The following ITGA11 variants were observed in gnomAD, a reference collection of about 807,000 sequenced individuals.
ITGA11 encodes the protein integrin subunit alpha 11.
In ITGA11, 97 loss-of-function variants were observed where a neutral mutation model predicts 141.9. That is an observed-to-expected ratio of 0.68 (90% CI 0.58 to 0.81). The LOEUF is 0.81. ITGA11 is among the 30% of genes least tolerant of loss of function. The pLI is 0.00. For synonymous variants in ITGA11, 658 were observed against 624.6 expected (o/e 1.05, Z -0.80); for missense variants, 1,387 against 1,559.2 (o/e 0.89, Z 1.86).
Position 68,332,077 on chromosome 15 carries a change from G to A in ITGA11, c.1567-15C>T, listed in dbSNP as rs1894187494. On this transcript the variant is annotated splice_polypyrimidine_tract_variant and intron_variant, in intron 13 of 29. Transcript: ENST00000315757. ...ACAAACAGGTTCTGCAAAACCAGGG[G>A]CAGAAAAAGGCTGGGGAGGGTTTGG... The A allele has an allele frequency of 6.4e-7, 1 of 1,572,144 alleles. No individual in the cohort carries two copies. Among genetic ancestry groups the A allele is most frequent in the Non-Finnish European group, 8.6e-7 (1 of 1,156,724 alleles).
intron 28 of ITGA11, among the ~76,000 whole-genome samples, chr15:68,306,252 T>A (rs1357254830): frequency 7.8e-6 from 1 of 128,094 alleles, no homozygotes; most frequent in African/African-American, 3.0e-5. Context: ...GGGGGTTGAG[T>A]GGGGGTGGAA....
At chr15:68,406,535 G>C (rs59747683) in intron 1 of ITGA11, among the ~76,000 whole-genome samples, 3,567 of 152,158 alleles carry the variant, frequency 0.023, 128 homozygotes, top group African/African-American at 0.078. Context: ...TCCATCACCA[G>C]GCCACCAAAC....
intron 1 of ITGA11, among the ~76,000 whole-genome samples, chr15:68,412,237 TG>T: frequency 6.6e-6 from 1 of 152,210 alleles, no homozygotes; most frequent in South Asian, 2.1e-4. Flanking sequence ...GAAGAGGAGC[TG>T]GGGATCTCTG....
intron 2 of ITGA11, among the ~76,000 whole-genome samples, chr15:68,394,893 A>G (rs547442024): frequency 3.3e-5 from 5 of 152,366 alleles, no homozygotes; most frequent in South Asian, 4.1e-4. Context: ...TGAATAATCC[A>G]TTATCTTTAA....
In ITGA11 at chr15:68,328,387, A is replaced by G. The variant is rs1894050779; in HGVS notation, c.1902-125T>C. On this transcript the variant is annotated intron_variant, in intron 15 of 29. Transcript: ENST00000315757. The surrounding 1 kb of genome is among the most constrained non-coding windows in gnomAD (Gnocchi z 4.8). The stretch of plus-strand genomic sequence containing the variant: ...AAAGCCACTGGAGGGGGTGAGGTGG[A>G]GGATGGAGGGGGCGAGGTGGAGGAT... 6 of 389,006 alleles carry G rather than the reference A, an allele frequency of 1.5e-5. No homozygotes were observed. Among genetic ancestry groups the G allele is most frequent in the Non-Finnish European group, 1.6e-5 (4 of 243,238 alleles). The allele number at this position is 389,006 out of a possible 1,614,324, so 24.1% of individuals were successfully genotyped here. A position where few individuals can be genotyped will look rare whatever the true frequency, so the allele number is the denominator to read the frequency against.
At chr15:68,352,519 T>C (rs1363693626) in intron 7 of ITGA11, among the ~76,000 whole-genome samples, 2 of 152,070 alleles carry the variant, frequency 1.3e-5, no homozygotes, top group Admixed American at 6.5e-5. Flanking sequence ...AAGGTTCTGG[T>C]GAGCATCCAG....
At chr15:68,354,094 C>A (rs949385441) in intron 7 of ITGA11, among the ~76,000 whole-genome samples, 1 of 152,166 alleles carries the variant, frequency 6.6e-6, no homozygotes, top group African/African-American at 2.4e-5. Context: ...TCTGTACCTG[C>A]CCTCTGCACC....
chr15:68,342,052 G>A (rs1440903960), intron 10 of ITGA11, among the ~76,000 whole-genome samples: 1 of 152,234 alleles, frequency 6.6e-6, no homozygotes, highest in Non-Finnish European at 1.5e-5. Flanking sequence ...ACTGTGAGGA[G>A]TAGACAGGTT....
intron 20 of ITGA11, among the ~76,000 whole-genome samples, chr15:68,319,461 A>C (rs1346587727): frequency 6.6e-6 from 1 of 152,180 alleles, no homozygotes; most frequent in Non-Finnish European, 1.5e-5. Flanking sequence ...CATGGTGGGA[A>C]CCAGCAGGGC....
intron 2 of ITGA11, among the ~76,000 whole-genome samples, chr15:68,395,385 T>C (rs1337061620): frequency 6.6e-6 from 1 of 151,846 alleles, no homozygotes; most frequent in Non-Finnish European, 1.5e-5. Context: ...TTCTCCGAGC[T>C]AAAGGAGCAT....
chr15:68,352,814 A>G (rs988313509), intron 7 of ITGA11, among the ~76,000 whole-genome samples: 3 of 152,164 alleles, frequency 2.0e-5, no homozygotes, highest in Non-Finnish European at 4.4e-5. Flanking sequence ...TCGACCGTCA[A>G]TTGGCAGAGA....
chr15:68,349,182 C>T (rs1457677272), intron 9 of ITGA11, among the ~76,000 whole-genome samples: 5 of 152,212 alleles, frequency 3.3e-5, no homozygotes, highest in African/African-American at 1.2e-4. Context: ...ACTTATATTA[C>T]AGGGCATGTA....
Position 68,357,135 on chromosome 15 carries a change from T to C in ITGA11, c.749+16A>G, listed in dbSNP as rs1895095006. ...TGAGATCTAAAAAAATTTTTTTTGT[T>C]CTACTTTTTTTTTACCGTGCAAATT... On this transcript the variant is annotated intron_variant, in intron 7 of 29. Coordinates refer to ENST00000315757, the MANE Select transcript of ITGA11 (RefSeq NM_001004439.2). 6.2e-7 allele frequency: 1 copy of C among 1,604,084 alleles called. No homozygotes were observed. The highest frequency in any genetic ancestry group is 1.3e-5 in the African/African-American group (1 of 74,170).
In ITGA11 at chr15:68,365,144, A is replaced by C. The variant is rs1895377906; in HGVS notation, c.266-346T>G. 6 of 985,194 alleles carry C rather than the reference A, an allele frequency of 6.1e-6. No homozygotes were observed. The African/African-American group carries it at 1.0e-4, about 17-fold the overall frequency. 61.0% of individuals were successfully genotyped at this position (985,194 alleles called of 1,614,324 possible). ...GCCCCCAAGCATGCCATGGCATCCC[A>C]CCTGGGCTGGCTTCCTTTGTGCAGT... On this transcript the variant is annotated intron_variant, in intron 3 of 29. Coordinates refer to ENST00000315757, the MANE Select transcript of ITGA11 (RefSeq NM_001004439.2).
chr15:68,388,903 A>G (rs1451633048), intron 2 of ITGA11, among the ~76,000 whole-genome samples: 1 of 151,814 alleles, frequency 6.6e-6, no homozygotes, highest in Non-Finnish European at 1.5e-5. Context: ...CTATTTAGGA[A>G]CTCCATGGTA....
intron 15 of ITGA11, among the ~76,000 whole-genome samples, chr15:68,329,004 T>C (rs1156762904): frequency 6.6e-6 from 1 of 152,178 alleles, no homozygotes; most frequent in African/African-American, 2.4e-5. Flanking sequence ...CAACCATGAA[T>C]GTATATAAAA....
chr15:68,332,351 T>C lies in ITGA11; in HGVS notation c.1553A>G (p.Tyr518Cys). ...EGRERGKVYV[Y>C]ELRQNLFVYN... Reference sequence around the variant, plus strand: ...GCCCAGCTGTACCTGTCTCAGCTCATAGACGTACACCTTGCCTCGCTCACG... The same window carrying C: ...GCCCAGCTGTACCTGTCTCAGCTCACAGACGTACACCTTGCCTCGCTCACG... Residue 518 changes from tyrosine (Y) to cysteine (C), a missense_variant, in exon 13 of 30, where the codon TAT becomes TGT. Physicochemically the swap from Tyr to Cys is radical, Grantham distance 194. Transcript: ENST00000315757. 6.2e-7 allele frequency: 1 copy of C among 1,606,598 alleles called. No homozygotes were observed. Among genetic ancestry groups the C allele is most frequent in the Non-Finnish European group, 8.5e-7 (1 of 1,177,208 alleles).
intron 4 of ITGA11, among the ~76,000 whole-genome samples, chr15:68,364,469 T>A (rs1431893275): frequency 6.6e-6 from 1 of 152,182 alleles, no homozygotes; most frequent in African/African-American, 2.4e-5. Flanking sequence ...GCTCAATTGT[T>A]TCTTCTGCCT....
rs941083115 is a variant in ITGA11 at position 68,356,977 on chromosome 15, G to A, written c.749+174C>T. 4.9e-6 allele frequency: 3 copies of A among 613,864 alleles called. No homozygotes were observed. In the African/African-American group the frequency reaches 5.6e-5, roughly 11 times the overall value. 38.0% of individuals were successfully genotyped at this position (613,864 alleles called of 1,614,324 possible). On this transcript the variant is annotated intron_variant, in intron 7 of 29. Coordinates refer to ENST00000315757, the MANE Select transcript of ITGA11 (RefSeq NM_001004439.2). ...GTGACACCAGACTGCAACTACCTGA[G>A]AGGACCCAAGAGAAAACCGACCAGC...
Sources: gnomAD v4.1 joint callset for allele counts (sites outside exome capture counted in the v4.1 genomes callset) on GRCh38, gnomAD v4.1.1 for gene constraint, Gnocchi (gnomAD v3.1) non-coding constraint, MANE v1.5 for transcripts, NCBI Gene and HGNC (gene_info 2026-07-23, HGNC 2026-07-21) for gene names.